Variants in RALGAPA1 observed in about 807,000 individuals in gnomAD.
The protein encoded by RALGAPA1 is Ral GTPase activating protein catalytic subunit alpha 1, also known as ral GTPase-activating protein subunit alpha-1.
In RALGAPA1, 52 loss-of-function variants were observed where a neutral mutation model predicts 269.6. That is an observed-to-expected ratio of 0.19 (90% confidence interval 0.15 to 0.24). RALGAPA1 has a LOEUF of 0.24. Ranked by LOEUF, RALGAPA1 falls within the 10% of genes least tolerant of loss-of-function variation. The pLI, the probability that RALGAPA1 is intolerant of heterozygous loss-of-function variation, is 1.00. For synonymous variants in RALGAPA1, 817 were observed against 1,008.3 expected (o/e 0.81, Z 3.60); for missense variants, 1,917 against 3,013.9 (o/e 0.64, Z 8.52).
intron 3 of RALGAPA1, among the ~76,000 whole-genome samples, chr14:35,772,743 G>C (rs1464401836): frequency 6.6e-6 from 1 of 152,120 alleles, no homozygotes; most frequent in Non-Finnish European, 1.5e-5. Flanking sequence ...TGAAGAAATG[G>C]GTTAAGTAGT....
chr14:35,738,202 A>T (rs1320859792), intron 12 of RALGAPA1, among the ~76,000 whole-genome samples: 2 of 152,320 alleles, frequency 1.3e-5, no homozygotes, highest in South Asian at 2.1e-4. Flanking sequence ...ACAATACCAC[A>T]AAATAGTTAA....
rs2066195063 is a variant in RALGAPA1 at position 35,688,689 on chromosome 14, T to C, written c.3722A>G (p.Lys1241Arg). 1 of 1,484,100 alleles carries C rather than the reference T, an allele frequency of 6.7e-7. No individual in the cohort carries two copies. The allele number at this position is 1,484,100 out of a possible 1,614,324, so 91.9% of individuals were successfully genotyped here. A position where few individuals can be genotyped will look rare whatever the true frequency, so the allele number is the denominator to read the frequency against. Residue 1241 changes from lysine to arginine, a missense_variant, in exon 18 of 42, where the codon AAA becomes AGA. This residue lies in a region of RALGAPA1 where 615 missense variants were observed against 790.0 expected (regional missense o/e 0.78). Transcript: ENST00000680220. ...STEIPTTILQ[K>R]EGIASSQLGS... ...TAATTGACTACTTGCAATTCCTTCT[T>C]TTTGTAATATGGTGGTGGGAATCTC...
chr14:35,765,019 C>T (rs1404147637), intron 4 of RALGAPA1, among the ~76,000 whole-genome samples: 1 of 152,098 alleles, frequency 6.6e-6, no homozygotes, highest in Non-Finnish European at 1.5e-5. Context: ...AAATTATTTC[C>T]TTGTGGGTGG....
At chr14:35,767,275 T>C (rs2074234475) in intron 4 of RALGAPA1, among the ~76,000 whole-genome samples, 1 of 152,170 alleles carries the variant, frequency 6.6e-6, no homozygotes, top group South Asian at 2.1e-4. Flanking sequence ...ATATACAACA[T>C]GCTAAAATTT....
intron 1 of RALGAPA1, among the ~76,000 whole-genome samples, chr14:35,802,172 G>A (rs2077025361): frequency 6.6e-6 from 1 of 152,138 alleles, no homozygotes; most frequent in Non-Finnish European, 1.5e-5. Flanking sequence ...GCCAGGCTCA[G>A]TGGTGTGTGC....
In RALGAPA1 at chr14:35,700,154, G is replaced by T. The variant is rs544966448; in HGVS notation, c.2407+8C>A. The T allele has an allele frequency of 1.3e-6, 2 of 1,518,648 alleles. No individual in the cohort carries two copies. Among genetic ancestry groups the T allele is most frequent in the Admixed American group, 2.2e-5 (1 of 45,600 alleles). The allele number at this position is 1,518,648 out of a possible 1,614,324, so 94.1% of individuals were successfully genotyped here. A position where few individuals can be genotyped will look rare whatever the true frequency, so the allele number is the denominator to read the frequency against. On this transcript the variant is annotated splice_region_variant and intron_variant, in intron 17 of 41. Transcript: ENST00000680220. ...AGGTGGTGCAGAAATTAGCAGAGGT[G>T]GCACTACCTGAAAGCTCATCAGAAA...
At chr14:35,625,935 T>C (rs903637171) in intron 34 of RALGAPA1, among the ~76,000 whole-genome samples, 14 of 152,214 alleles carry the variant, frequency 9.2e-5, no homozygotes, top group African/African-American at 3.4e-4. Context: ...CAAATTATTT[T>C]CATAAAATCA....
chr14:35,601,973 T>G (rs2059317200), intron 36 of RALGAPA1, among the ~76,000 whole-genome samples: 1 of 152,112 alleles, frequency 6.6e-6, no homozygotes, highest in Non-Finnish European at 1.5e-5. Flanking sequence ...ACCCCCCTCC[T>G]CCCTCATGCC....
intron 16 of RALGAPA1, among the ~76,000 whole-genome samples, chr14:35,718,707 T>C (rs984835566): frequency 6.6e-6 from 1 of 151,972 alleles, no homozygotes. Flanking sequence ...TCCCAGCTAC[T>C]TGGGAGGCTG....
intron 35 of RALGAPA1, among the ~76,000 whole-genome samples, chr14:35,621,855 C>T (rs2060650807): frequency 6.6e-6 from 1 of 152,142 alleles, no homozygotes; most frequent in Admixed American, 6.5e-5. Context: ...ATTAAAAAGT[C>T]AGGAAACAAC....
intron 36 of RALGAPA1, among the ~76,000 whole-genome samples, chr14:35,604,235 CAATAACGACAGAGTATACACATT>C (rs2059450318): frequency 6.6e-6 from 1 of 151,932 alleles, no homozygotes; most frequent in South Asian, 2.1e-4. Flanking sequence ...TCATTACACT[CAATAACGACAGAGTATACACATT>C]GTTTTCAAGG....
chr14:35,765,716 A>C, intron 4 of RALGAPA1: 1 of 315,726 alleles, frequency 3.2e-6, no homozygotes, highest in Non-Finnish European at 6.0e-6. Context: ...GGCTGGTCTC[A>C]AACTCCTGGG....
chr14:35,615,864 A>G (rs529352203), intron 35 of RALGAPA1, among the ~76,000 whole-genome samples: 1 of 152,206 alleles, frequency 6.6e-6, no homozygotes, highest in Non-Finnish European at 1.5e-5. Flanking sequence ...GAGTCTGGCC[A>G]GGCATTATTA....
At chr14:35,769,035 AATATAT>A (rs200538547) in intron 4 of RALGAPA1, among the ~76,000 whole-genome samples, 2,264 of 58,204 alleles carry the variant, frequency 0.039, 117 homozygotes, top group Middle Eastern at 0.065. Flanking sequence ...AAAAAAAAAA[AATATAT>A]ATATATATAT....
At position 35,763,040 on chromosome 14, in the gene RALGAPA1, A is replaced by G. The variant is rs146735486; in HGVS notation, c.326-287T>C. On this transcript the variant is annotated intron_variant, in intron 4 of 41. Coordinates refer to ENST00000680220, the MANE Select transcript of RALGAPA1 (RefSeq NM_001346249.2). ...CTATTATAAATCTCTTATTTAGACTAAGAATAAAATAAAATACTTTTATCA... is the reference window on the plus strand; with the variant it reads ...CTATTATAAATCTCTTATTTAGACTGAGAATAAAATAAAATACTTTTATCA... 2.4e-3 allele frequency among the ~76,000 whole-genome samples: 372 copies of G among 152,342 alleles called. 3 individuals are homozygous for G. Among genetic ancestry groups the G allele is most frequent in the African/African-American group, 7.9e-3 (330 of 41,592 alleles).
rs1258328275 is a variant in RALGAPA1, at chr14:35,670,660, C to T, written c.5202+729G>A. On this transcript the variant is annotated intron_variant, in intron 26 of 41. Coordinates refer to ENST00000680220, the MANE Select transcript of RALGAPA1 (RefSeq NM_001346249.2). ...TTACTCCTGGCTGGGCACGGTGGCT[C>T]ACGCCTGTAATCCCAGCACTTTGGG... Among the ~76,000 whole-genome samples, 9 of 152,328 alleles carry T rather than the reference C, an allele frequency of 5.9e-5. No individual in the cohort carries two copies. The South Asian group carries it at 1.4e-3, about 25-fold the overall frequency.
chr14:35,583,968 CAG>C (rs1170343730), intron 37 of RALGAPA1, among the ~76,000 whole-genome samples: 2 of 152,010 alleles, frequency 1.3e-5, no homozygotes, highest in Non-Finnish European at 2.9e-5. Context: ...ACAAGTTCTT[CAG>C]AGAGAAGAAA....
Position 35,756,777 on chromosome 14 carries a change from A to G in RALGAPA1, c.663+16T>C. 1.3e-6 allele frequency: 2 copies of G among 1,544,408 alleles called. No individual in the cohort carries two copies. Among genetic ancestry groups the G allele is most frequent in the Non-Finnish European group, 1.8e-6 (2 of 1,121,498 alleles). On this transcript the variant is annotated intron_variant, in intron 7 of 41. Coordinates refer to ENST00000680220, the MANE Select transcript of RALGAPA1 (RefSeq NM_001346249.2). ...AGGATAGTAAGGAGTGTGATATCAAAGAAGATAACAAGTACCTGAATGACT... is the reference window on the plus strand; with the variant it reads ...AGGATAGTAAGGAGTGTGATATCAAGGAAGATAACAAGTACCTGAATGACT...
chr14:35,554,334 CTTT>C (rs2055334503), intron 39 of RALGAPA1, among the ~76,000 whole-genome samples: 2 of 139,324 alleles, frequency 1.4e-5, no homozygotes, highest in Middle Eastern at 3.8e-3. Context: ...ACTAAATACA[CTTT>C]CTTTTTTTTT....
Sources: gnomAD v4.1 joint callset for allele counts (sites outside exome capture counted in the v4.1 genomes callset) on GRCh38, gnomAD v4.1.1 for gene constraint, gnomAD v4.1.1 regional missense constraint, MANE v1.5 for transcripts, NCBI Gene and HGNC (gene_info 2026-07-23, HGNC 2026-07-21) for gene names.